Variants in RIT2 observed in about 807,000 individuals in gnomAD.
The protein encoded by RIT2 is GTP-binding protein Rit2.
Under a neutral mutation model 23.7 loss-of-function variants are expected in RIT2, and 24 were observed. The ratio of observed to expected loss-of-function variants is 1.01; its 90% CI spans 0.73 to 1.43. The LOEUF (loss-of-function observed/expected upper bound fraction) is 1.43, where lower values mean the gene tolerates loss of function less well. Ranked by LOEUF, RIT2 falls within the 40% of genes most tolerant of loss-of-function variation. The pLI, the probability that RIT2 is intolerant of heterozygous loss-of-function variation, is 0.00. For missense variants in RIT2, 236 were observed against 266.9 expected (o/e 0.88, Z 0.81); for synonymous variants, 107 against 91.1 (o/e 1.17, Z -0.99).
chr18:42,837,486 T>A (rs1174358132), intron 4 of RIT2, among the ~76,000 whole-genome samples: 2 of 150,838 alleles, frequency 1.3e-5, no homozygotes, highest in Admixed American at 6.6e-5. Context: ...AAAAAAAAAA[T>A]GTACTTTCAC....
chr18:43,102,209 C>A (rs1913700022), intron 1 of RIT2, among the ~76,000 whole-genome samples: 1 of 152,110 alleles, frequency 6.6e-6, no homozygotes, highest in South Asian at 2.1e-4. Flanking sequence ...TTTACCCTCC[C>A]AGGAAACATA....
At chr18:42,843,667 G>T (rs1045195627) in intron 4 of RIT2, among the ~76,000 whole-genome samples, 1 of 152,118 alleles carries the variant, frequency 6.6e-6, no homozygotes, top group Non-Finnish European at 1.5e-5. Context: ...AAGCTCAGGG[G>T]GGTTCTCAAT....
chr18:43,072,461 G>T (rs1463994078), intron 1 of RIT2, among the ~76,000 whole-genome samples: 6 of 152,060 alleles, frequency 3.9e-5, no homozygotes, highest in Admixed American at 1.3e-4. Flanking sequence ...ACATAAAATT[G>T]CAAAAAGAAA....
At chr18:43,054,213 A>G (rs1912448093) in intron 1 of RIT2, among the ~76,000 whole-genome samples, 1 of 152,092 alleles carries the variant, frequency 6.6e-6, no homozygotes, top group African/African-American at 2.4e-5. Context: ...GTCAGTATCA[A>G]TATCCTTTCT....
intron 4 of RIT2, among the ~76,000 whole-genome samples, chr18:42,760,976 T>TA: frequency 6.6e-6 from 1 of 152,232 alleles, no homozygotes; most frequent in Non-Finnish European, 1.5e-5. Context: ...TGGTGGATTC[T>TA]TCCTTTGGGC....
intron 1 of RIT2, among the ~76,000 whole-genome samples, chr18:43,074,576 T>A (rs1912968478): frequency 6.6e-6 from 1 of 152,204 alleles, no homozygotes; most frequent in South Asian, 2.1e-4. Context: ...CCTTATGACT[T>A]TTTTTAAGAT....
At chr18:43,031,198 T>G (rs1911846397) in intron 2 of RIT2, among the ~76,000 whole-genome samples, 1 of 151,868 alleles carries the variant, frequency 6.6e-6, no homozygotes, top group African/African-American at 2.4e-5. Context: ...CTAATTCCTA[T>G]GCATCTTTCA....
At chr18:42,979,196 G>A (rs1330027659) in intron 2 of RIT2, among the ~76,000 whole-genome samples, 1 of 151,832 alleles carries the variant, frequency 6.6e-6, no homozygotes, top group Non-Finnish European at 1.5e-5. Context: ...TTTTCCCAAA[G>A]CAGCTAATGT....
intron 3 of RIT2, among the ~76,000 whole-genome samples, chr18:42,939,344 C>T (rs193148750): frequency 9.0e-4 from 137 of 152,188 alleles, no homozygotes; most frequent in African/African-American, 3.0e-3. Context: ...AGACCAAGTC[C>T]GTTATTACAA....
chr18:42,779,717 G>C (rs530227621), intron 4 of RIT2, among the ~76,000 whole-genome samples: 4 of 152,250 alleles, frequency 2.6e-5, no homozygotes, highest in African/African-American at 9.6e-5. Flanking sequence ...TACTGAAAAA[G>C]TCAAGAGAAT....
At chr18:42,912,971 A>G (rs138627127) in intron 4 of RIT2, among the ~76,000 whole-genome samples, 404 of 152,072 alleles carry the variant, frequency 2.7e-3, no homozygotes, top group African/African-American at 8.6e-3. Flanking sequence ...AAAAGAAGAA[A>G]AACGAGGGAG....
At chr18:42,835,933 T>C (rs1056172479) in intron 4 of RIT2, among the ~76,000 whole-genome samples, 6 of 152,184 alleles carry the variant, frequency 3.9e-5, no homozygotes, top group Non-Finnish European at 8.8e-5. Context: ...TTATTTGTAG[T>C]CAAGTATCCA....
Position 43,115,433 on chromosome 18 carries a change from C to G in RIT2, c.87G>C (p.Gly29=), listed in dbSNP as rs1379722669. Reference sequence around the variant, plus strand: ...AAAACTTACCGCTTTTACCAACTCCCCCTGCTCCCAGCATTACCACCTTGT... The same window carrying G: ...AAAACTTACCGCTTTTACCAACTCCGCCTGCTCCCAGCATTACCACCTTGT... ...REYKVVMLGA[G]GVGKSAMTMQ... Residue 29 remains glycine, a synonymous_variant, in exon 1 of 5, where the codon GGG becomes GGC. Coordinates refer to ENST00000326695, the MANE Select transcript of RIT2 (RefSeq NM_002930.4). The G allele has an allele frequency of 1.9e-6, 3 of 1,613,562 alleles. No individual in the cohort carries two copies. Among genetic ancestry groups the G allele is most frequent in the African/African-American group, 2.7e-5 (2 of 74,990 alleles).
At chr18:43,029,026 G>A (rs1911795256) in intron 2 of RIT2, among the ~76,000 whole-genome samples, 1 of 152,012 alleles carries the variant, frequency 6.6e-6, no homozygotes, top group African/African-American at 2.4e-5. Context: ...TGAGCACGAG[G>A]CTATCTGCAG....
At chr18:42,885,456 G>C (rs1053229712) in intron 4 of RIT2, among the ~76,000 whole-genome samples, 1 of 152,012 alleles carries the variant, frequency 6.6e-6, no homozygotes, top group Middle Eastern at 3.2e-3. Flanking sequence ...CGTGGTGGCG[G>C]GCGCCTGTAG....
chr18:42,954,159 C>G (rs1909916673), intron 3 of RIT2, among the ~76,000 whole-genome samples: 1 of 151,994 alleles, frequency 6.6e-6, no homozygotes, highest in Non-Finnish European at 1.5e-5. Context: ...AGGCAGGTCA[C>G]TTGAGGTCAG....
At chr18:42,834,866 C>T (rs969981669) in intron 4 of RIT2, among the ~76,000 whole-genome samples, 7 of 152,044 alleles carry the variant, frequency 4.6e-5, no homozygotes, top group Non-Finnish European at 8.8e-5. Context: ...TCATTGCATC[C>T]TTTAGGATGT....
chr18:42,982,827 T>C (rs1424239413), intron 2 of RIT2, among the ~76,000 whole-genome samples: 3 of 152,002 alleles, frequency 2.0e-5, no homozygotes, highest in Non-Finnish European at 2.9e-5. Context: ...ACAATACTAA[T>C]GAAAGAAATC....
chr18:42,834,496 A>C (rs1906544759), intron 4 of RIT2, among the ~76,000 whole-genome samples: 1 of 152,080 alleles, frequency 6.6e-6, no homozygotes, highest in Admixed American at 6.6e-5. Flanking sequence ...TTATACCTGC[A>C]ATGATGGGAG....
Sources: allele counts gnomAD v4.1 joint callset (sites outside exome capture counted in the v4.1 genomes callset), GRCh38; gene constraint gnomAD v4.1.1; transcripts MANE v1.5; gene names NCBI Gene and HGNC (gene_info 2026-07-23, HGNC 2026-07-21).